RPS6KC1: variants seen among roughly 807,000 people sequenced by gnomAD.
RPS6KC1 encodes inactive ribosomal protein S6 kinase delta-1.
Under a neutral mutation model 103.8 loss-of-function variants are expected in RPS6KC1, and 54 were observed. The ratio of observed to expected loss-of-function variants is 0.52; its 90% CI spans 0.42 to 0.65. The LOEUF (loss-of-function observed/expected upper bound fraction) is 0.65, where lower values mean the gene tolerates loss of function less well. Ranked by LOEUF, RPS6KC1 falls within the 30% of genes least tolerant of loss-of-function variation. RPS6KC1 has a pLI of 0.00. For missense variants in RPS6KC1, 1,151 were observed against 1,253.8 expected (o/e 0.92, Z 1.24); for synonymous variants, 439 against 438.7 (o/e 1.00, Z -0.01).
chr1:213,301,666 T>A, the RPS6KC1 span, among the ~76,000 whole-genome samples: 1 of 152,080 alleles, frequency 6.6e-6, no homozygotes, highest in Non-Finnish European at 1.5e-5. Context: ...ACCACTGCAC[T>A]CCAGCCTAGG....
chr1:213,793,561 G>A, the RPS6KC1 span, among the ~76,000 whole-genome samples: 1 of 152,066 alleles, frequency 6.6e-6, no homozygotes, highest in African/African-American at 2.4e-5. Flanking sequence ...ATTAGGCACC[G>A]AGCTGCCCAT....
chr1:213,668,402 A>ACCCCCCCCC, the RPS6KC1 span, among the ~76,000 whole-genome samples: 1 of 86,248 alleles, frequency 1.2e-5, no homozygotes, highest in Non-Finnish European at 2.1e-5. Flanking sequence ...CCCCCGCCGC[A>ACCCCCCCCC]CCACCCCCAC....
intron 14 of RPS6KC1, among the ~76,000 whole-genome samples, chr1:213,266,849 G>A (rs1381835352): frequency 6.6e-6 from 1 of 151,804 alleles, no homozygotes; most frequent in African/African-American, 2.4e-5. Flanking sequence ...GTTGCAGTGA[G>A]CCGAGATCGC....
the RPS6KC1 span, among the ~76,000 whole-genome samples, chr1:213,800,515 CTGGGAA>C: frequency 0.25 from 37,306 of 151,680 alleles, 7,362 homozygotes; most frequent in African/African-American, 0.52. Context: ...GTCATGGTTG[CTGGGAA>C]TGGGGATCAG....
chr1:213,622,042 T>C, the RPS6KC1 span, among the ~76,000 whole-genome samples: 1 of 152,092 alleles, frequency 6.6e-6, no homozygotes, highest in Non-Finnish European at 1.5e-5. Flanking sequence ...CCCAACTCTC[T>C]CACCTCCTCA....
chr1:213,707,333 C>T, the RPS6KC1 span, among the ~76,000 whole-genome samples: 26 of 151,964 alleles, frequency 1.7e-4, no homozygotes, highest in Non-Finnish European at 2.5e-4. Context: ...GTTTATTGGC[C>T]GCATAAATGT....
chr1:213,829,902 A>G, the RPS6KC1 span, among the ~76,000 whole-genome samples: 1 of 152,226 alleles, frequency 6.6e-6, no homozygotes, highest in Non-Finnish European at 1.5e-5. Flanking sequence ...AAATGTGCCT[A>G]TTAGGATGAC....
the RPS6KC1 span, among the ~76,000 whole-genome samples, chr1:213,575,460 A>C: frequency 6.6e-6 from 1 of 151,956 alleles, no homozygotes; most frequent in Admixed American, 6.6e-5. Flanking sequence ...GGGGGCGGTT[A>C]CCCCCGTGCT....
chr1:213,329,045 T>A, the RPS6KC1 span, among the ~76,000 whole-genome samples: 1 of 152,182 alleles, frequency 6.6e-6, no homozygotes, highest in South Asian at 2.1e-4. Context: ...TTCAGAGAAG[T>A]GAAGACGTTT....
At chr1:213,716,278 C>T in the RPS6KC1 span, among the ~76,000 whole-genome samples, 1 of 152,176 alleles carries the variant, frequency 6.6e-6, no homozygotes, top group Non-Finnish European at 1.5e-5. Context: ...TTGGATGGTG[C>T]TGAGGACCAC....
the RPS6KC1 span, among the ~76,000 whole-genome samples, chr1:213,349,295 C>T: frequency 6.6e-6 from 1 of 152,172 alleles, no homozygotes; most frequent in African/African-American, 2.4e-5. Flanking sequence ...CTTTTCCCTT[C>T]TTGTTTTCCT....
chr1:213,376,107 T>TGG, the RPS6KC1 span, among the ~76,000 whole-genome samples: 1 of 148,432 alleles, frequency 6.7e-6, no homozygotes, highest in Admixed American at 6.6e-5. Context: ...TGTGTGTGTG[T>TGG]GTGTGTGTGT....
intron 3 of RPS6KC1, among the ~76,000 whole-genome samples, chr1:213,103,176 AC>A (rs1223441854): frequency 6.7e-6 from 1 of 149,938 alleles, no homozygotes; most frequent in Non-Finnish European, 1.5e-5. Flanking sequence ...ACAGAGTGAG[AC>A]CCTGTCTCAA....
At chr1:213,077,514 AATC>A (rs2079452143) in intron 2 of RPS6KC1, among the ~76,000 whole-genome samples, 179 bp from the exon 3 acceptor site, 2 of 152,160 alleles carry the variant, frequency 1.3e-5, no homozygotes, top group Non-Finnish European at 2.9e-5. Flanking sequence ...GGTCAGCAGG[AATC>A]TGCCTTATAT....
the RPS6KC1 span, chr1:213,731,561 A>G: frequency 6.6e-6 from 1 of 152,206 alleles, no homozygotes; most frequent in Non-Finnish European, 1.5e-5. Context: ...ATCCACAGGT[A>G]AGAACATGCT....
chr1:213,609,930 C>G, the RPS6KC1 span, among the ~76,000 whole-genome samples: 1 of 151,836 alleles, frequency 6.6e-6, no homozygotes, highest in East Asian at 1.9e-4. Context: ...TGAGATTGCT[C>G]TGTATGTTAT....
At chr1:213,307,787 C>T in the RPS6KC1 span, among the ~76,000 whole-genome samples, 1 of 152,152 alleles carries the variant, frequency 6.6e-6, no homozygotes, top group African/African-American at 2.4e-5. Context: ...TGGAATGGTA[C>T]ACTGCACAGA....
the RPS6KC1 span, among the ~76,000 whole-genome samples, chr1:213,426,649 A>G: frequency 1.3e-5 from 2 of 152,188 alleles, no homozygotes; most frequent in African/African-American, 4.8e-5. Flanking sequence ...AGTATTCACT[A>G]TCTAATGGTT....
Position 213,241,574 on chromosome 1 carries a change from G to T in RPS6KC1, c.2098G>T (p.Glu700Ter), listed in dbSNP as rs756373688. ...DLLVNLPGEL[E>*]STREAAAMGP... ...TCTTGTAAATTTACCTGGTGAATTG[G>T]AGTCAACAAGAGAAGCTGCAGCAAT... Residue 700 changes from glutamate (E) to a stop codon, truncating the protein, a stop_gained, in exon 11 of 15, where the codon GAG becomes TAG. Coordinates refer to ENST00000366960, the MANE Select transcript of RPS6KC1 (RefSeq NM_012424.6). LOFTEE classifies it high-confidence loss of function. 6.2e-7 allele frequency: 1 copy of T among 1,613,924 alleles called. No individual in the cohort carries two copies. Among genetic ancestry groups the T allele is most frequent in the Non-Finnish European group, 8.5e-7 (1 of 1,179,928 alleles).
Sources: gnomAD v4.1 joint callset for allele counts (sites outside exome capture counted in the v4.1 genomes callset) on GRCh38, gnomAD v4.1.1 for gene constraint, MANE v1.5 for transcripts, NCBI Gene and HGNC (gene_info 2026-07-23, HGNC 2026-07-21) for gene names.